PKHD1: variants seen among roughly 807,000 people sequenced by gnomAD.
PKHD1 encodes PKHD1 ciliary IPT domain containing fibrocystin/polyductin.
PKHD1 carries 291 observed loss-of-function variants against 412.0 expected under a neutral mutation model. The ratio of observed to expected loss-of-function variants is 0.71; its 90% CI spans 0.64 to 0.78. The LOEUF is 0.78. Ranked by LOEUF, PKHD1 falls within the 30% of genes least tolerant of loss-of-function variation. The pLI, the probability that PKHD1 is intolerant of heterozygous loss-of-function variation, is 0.00. For missense variants in PKHD1, 4,825 were observed against 4,950.7 expected (o/e 0.97, Z 0.76); for synonymous variants, 1,777 against 1,821.5 (o/e 0.98, Z 0.62).
chr6:52,001,521 C>G (rs1473037014), intron 35 of PKHD1, among the ~76,000 whole-genome samples: 3 of 151,874 alleles, frequency 2.0e-5, no homozygotes, highest in African/African-American at 7.3e-5. Context: ...GCTCCGCCTC[C>G]CGGGTTCACG....
chr6:51,822,748 C>A (rs1321120053), intron 52 of PKHD1, among the ~76,000 whole-genome samples: 2 of 152,162 alleles, frequency 1.3e-5, no homozygotes, highest in African/African-American at 4.8e-5. Flanking sequence ...TAAACCTACT[C>A]CTTTACATGC....
intron 52 of PKHD1, among the ~76,000 whole-genome samples, chr6:51,814,784 G>T (rs1437448784): frequency 1.3e-5 from 2 of 152,168 alleles, no homozygotes; most frequent in African/African-American, 2.4e-5. Flanking sequence ...CTCACCAGGG[G>T]AGACAGGAAA....
Position 52,025,409 on chromosome 6 carries a change from C to T in PKHD1, c.4401G>A (p.Gly1467=). ...FSLNVTVLVN[G]LTSECQGNCT... is the part of the protein sequence containing the mutation. The stretch of plus-strand genomic sequence containing the variant: ...AATTCCCCTGACACTCGCTGGTTAG[C>T]CCATTGACCAGGACTGTGACGTTCA... Residue 1467 remains glycine (G), a synonymous_variant, in exon 32 of 67, where the codon GGG becomes GGA. Transcript: ENST00000371117. 1 of 1,609,748 alleles carries T rather than the reference C, an allele frequency of 6.2e-7. No homozygotes were observed. The highest frequency in any genetic ancestry group is 8.5e-7 in the Non-Finnish European group (1 of 1,177,162).
intron 52 of PKHD1, among the ~76,000 whole-genome samples, chr6:51,801,009 G>C (rs1037750149): frequency 1.7e-4 from 26 of 152,122 alleles, no homozygotes; most frequent in Admixed American, 1.7e-3. Flanking sequence ...TGAACCAAAG[G>C]AAAAGTAAAT....
chr6:51,845,178 A>G (rs1213778701), intron 50 of PKHD1, among the ~76,000 whole-genome samples: 1 of 152,258 alleles, frequency 6.6e-6, no homozygotes, highest in African/African-American at 2.4e-5. Context: ...GCAGTCAGGT[A>G]TATGGAAAAC....
At chr6:52,056,621 T>A in intron 18 of PKHD1, 77 bp downstream of exon 18, 1 of 1,090,862 alleles carries the variant, frequency 9.2e-7, no homozygotes, top group Non-Finnish European at 1.4e-6. Flanking sequence ...GGAGAGGAAA[T>A]GGGGATTGTT....
chr6:52,005,763 C>A lies in PKHD1; in HGVS notation c.5751+4546G>T, dbSNP rs557357705. Among the ~76,000 whole-genome samples the A allele has an allele frequency of 5.3e-5, 8 of 152,122 alleles. No homozygotes were observed. In the South Asian group the frequency reaches 1.7e-3, roughly 32 times the overall value. ...GTTTAGGTAACAGTCCACACCACAG[C>A]ACTCCCTAGAAATCCACATTATGTA... On this transcript the variant is annotated intron_variant, in intron 35 of 66. Coordinates refer to ENST00000371117, the MANE Select transcript of PKHD1 (RefSeq NM_138694.4).
At chr6:52,011,844 C>G (rs1799869837) in intron 34 of PKHD1, among the ~76,000 whole-genome samples, 1 of 152,202 alleles carries the variant, frequency 6.6e-6, no homozygotes, top group African/African-American at 2.4e-5. Context: ...ATGTTAACAT[C>G]ATGCCACCCA....
At chr6:51,866,195 G>T (rs931406578) in intron 48 of PKHD1, among the ~76,000 whole-genome samples, 3 of 151,984 alleles carry the variant, frequency 2.0e-5, no homozygotes, top group African/African-American at 7.2e-5. Context: ...GACTAATTAG[G>T]GTCAGTTGAG....
intron 60 of PKHD1, among the ~76,000 whole-genome samples, chr6:51,730,965 C>T (rs972672951): frequency 1.3e-5 from 2 of 152,110 alleles, no homozygotes; most frequent in African/African-American, 2.4e-5. Context: ...CTGTCACCCA[C>T]GCTGGAGTGC....
At chr6:51,939,139 T>C (rs774230904) in intron 36 of PKHD1, among the ~76,000 whole-genome samples, 1 of 151,388 alleles carries the variant, frequency 6.6e-6, no homozygotes, top group Non-Finnish European at 1.5e-5. Flanking sequence ...CAGCAAGTAC[T>C]GCTTTTCTGG....
intron 65 of PKHD1, 130 bp from the exon 66 acceptor site, chr6:51,627,246 T>C (rs1767368709): frequency 1.2e-6 from 1 of 856,790 alleles, no homozygotes; most frequent in Non-Finnish European, 2.0e-6. Context: ...GCATATAACA[T>C]ATTCAGAGTT....
At chr6:51,679,138 C>T (rs940588903) in intron 60 of PKHD1, among the ~76,000 whole-genome samples, 2 of 152,092 alleles carry the variant, frequency 1.3e-5, no homozygotes, top group African/African-American at 4.8e-5. Context: ...TTTCCTGTGT[C>T]AGTTCCTTTC....
In PKHD1 at chr6:52,083,398, A is replaced by C. The variant is rs1582160823; in HGVS notation, c.53-143T>G. The C allele has an allele frequency of 4.3e-6, 3 of 703,940 alleles. No individual in the cohort carries two copies. The African/African-American group carries it at 5.3e-5, about 12-fold the overall frequency. The allele number at this position is 703,940 out of a possible 1,614,324, so 43.6% of individuals were successfully genotyped here. A position where few individuals can be genotyped will look rare whatever the true frequency, so the allele number is the denominator to read the frequency against. On this transcript the variant is annotated intron_variant, in intron 2 of 66. Transcript: ENST00000371117. ...ACAGGTGGTTGCACCACATCCCCAG[A>C]GTTTCTGGTTCCGTAGGTCTGGGGC...
chr6:52,083,157 C>A, intron 3 of PKHD1, 21 bp downstream of exon 3: 1 of 1,511,964 alleles, frequency 6.6e-7, no homozygotes, highest in Non-Finnish European at 9.2e-7. Context: ...GAAATGTGCA[C>A]TTGGTAAAAC....
At chr6:51,956,358 G>A (rs143788956) in intron 36 of PKHD1, among the ~76,000 whole-genome samples, 2 of 151,962 alleles carry the variant, frequency 1.3e-5, no homozygotes, top group African/African-American at 4.8e-5. Context: ...TAAGGACAGT[G>A]AAAGTAAATT....
intron 35 of PKHD1, among the ~76,000 whole-genome samples, chr6:51,982,880 T>TAAAAAAAAAAAA (rs777201105): frequency 7.4e-6 from 1 of 135,940 alleles, no homozygotes; most frequent in Non-Finnish European, 1.6e-5. Flanking sequence ...TAAAATAAAA[T>TAAAAAAAAAAAA]AAAATAAAAT....
chr6:52,069,305 T>C, intron 11 of PKHD1, 152 bp downstream of exon 11: 1 of 736,336 alleles, frequency 1.4e-6, no homozygotes. Flanking sequence ...ATACAAGCAA[T>C]TTAATCTCAA....
chr6:51,649,006 A>T, intron 62 of PKHD1, 79 bp downstream of exon 62: 2 of 1,339,188 alleles, frequency 1.5e-6, no homozygotes, highest in African/African-American at 1.4e-5. Context: ...TGTATCAATG[A>T]TGACACACTC....
Sources: allele counts gnomAD v4.1 joint callset (sites outside exome capture counted in the v4.1 genomes callset), GRCh38; gene constraint gnomAD v4.1.1; transcripts MANE v1.5; gene names NCBI Gene and HGNC (gene_info 2026-07-23, HGNC 2026-07-21).